The following VTI1B variants were observed in gnomAD, a reference collection of about 807,000 sequenced individuals.
VTI1B encodes vesicle transport through interaction with t-SNAREs 1B, also known as vesicle transport through interaction with t-SNAREs homolog 1B.
A neutral mutation model predicts 28.6 loss-of-function variants in VTI1B; 18 were observed. The observed-to-expected ratio is 0.63, with a 90% CI of 0.43 to 0.93. The LOEUF is 0.93. Ranked by LOEUF, VTI1B falls within the 40% of genes least tolerant of loss-of-function variation. VTI1B has a pLI of 0.00. For synonymous variants in VTI1B, 100 were observed against 107.9 expected, an observed-to-expected ratio of 0.93 and a Z score of 0.46; for missense variants, 283 against 297.0, an observed-to-expected ratio of 0.95 and a Z score of 0.35.
chr14:67,668,140 T>C (rs1279693921), intron 1 of VTI1B, among the ~76,000 whole-genome samples: 5 of 152,192 alleles, frequency 3.3e-5, no homozygotes, highest in Admixed American at 2.0e-4. Flanking sequence ...TTTCAATATT[T>C]TTATGATACA....
intron 4 of VTI1B, 34 bp downstream of exon 4, chr14:67,656,382 A>G: frequency 1.3e-6 from 2 of 1,537,988 alleles, no homozygotes; most frequent in Non-Finnish European, 1.8e-6. Context: ...TAATTACCCC[A>G]TACTTGCCCC....
chr14:67,672,122 C>CTTTTTTTTTT (rs2037471660), intron 1 of VTI1B, among the ~76,000 whole-genome samples: 1 of 130,798 alleles, frequency 7.6e-6, no homozygotes, highest in Non-Finnish European at 1.8e-5. Flanking sequence ...ATGCAGTCTA[C>CTTTTTTTTTT]ATTTTTTTTT....
chr14:67,674,279 G>A (rs2037505229), intron 1 of VTI1B, 96 bp downstream of exon 1: 2 of 1,165,850 alleles, frequency 1.7e-6, no homozygotes, highest in Non-Finnish European at 2.3e-6. Flanking sequence ...GCGGAGGGAG[G>A]AGACGCGGGC....
intron 5 of VTI1B, 109 bp from the exon 6 acceptor site, chr14:67,651,590 T>C: frequency 8.0e-7 from 1 of 1,244,858 alleles, no homozygotes; most frequent in Non-Finnish European, 1.1e-6. Flanking sequence ...GGCTGTATGT[T>C]TGATCACACA....
In VTI1B at chr14:67,648,065, T is replaced by C. The variant is rs751636666; in HGVS notation, c.*3320A>G. 1 of 1,612,896 alleles carries C rather than the reference T, an allele frequency of 6.2e-7. No individual in the cohort carries two copies. Among genetic ancestry groups the C allele is most frequent in the East Asian group, 2.2e-5 (1 of 44,786 alleles). On this transcript the variant is annotated 3_prime_UTR_variant, in exon 6 of 6. Coordinates refer to ENST00000554659, the MANE Select transcript of VTI1B (RefSeq NM_006370.3). ...TTTTTAGGAGACAAAGACCAATCCA[T>C]TTGAGTTTTGATATTGATGCATTTG...
chr14:67,659,696 G>GA lies in VTI1B; in HGVS notation c.366+34_366+35insT, dbSNP rs751739606. 8.4e-3 allele frequency: 11,189 copies of GA among 1,327,720 alleles called. 2 individuals carry two copies. The highest frequency in any genetic ancestry group is 0.013 in the South Asian group (935 of 69,404). 82.2% of individuals were successfully genotyped at this position (1,327,720 alleles called of 1,614,324 possible). A position where few individuals can be genotyped will look rare whatever the true frequency, so the allele number is the denominator to read the frequency against. On this transcript the variant is annotated intron_variant, in intron 3 of 5. Transcript: ENST00000554659. Reference sequence around the variant, plus strand: ...AATTTTTGTACCACAGGCCCTTAAAGGAAAAAAAAAACAAACAAAACAGCT... The same window carrying GA: ...AATTTTTGTACCACAGGCCCTTAAAGAGAAAAAAAAAACAAACAAAACAGCT...
rs1487657718 is a variant in VTI1B at position 67,650,806 on chromosome 14, T to A, written c.*579A>T. ...AGACTACAGCTAACCTGGCAGTAGA[T>A]GTGATTGCTTCAAGCTTTGGTCAGA... On this transcript the variant is annotated 3_prime_UTR_variant, in exon 6 of 6. Transcript: ENST00000554659. 1.2e-6 allele frequency: 2 copies of A among 1,614,048 alleles called. No individual in the cohort carries two copies. The highest frequency in any genetic ancestry group is 2.2e-5 in the East Asian group (1 of 44,890).
chr14:67,666,917 A>C (rs1484509186), intron 1 of VTI1B, among the ~76,000 whole-genome samples: 1 of 152,208 alleles, frequency 6.6e-6, no homozygotes, highest in African/African-American at 2.4e-5. Flanking sequence ...TCTGTTGAAA[A>C]AACAAAAAAC....
intron 2 of VTI1B, among the ~76,000 whole-genome samples, chr14:67,661,157 G>C (rs1248002512): frequency 6.6e-6 from 1 of 151,420 alleles, no homozygotes; most frequent in African/African-American, 2.4e-5. Context: ...CAAATACAGG[G>C]CCAACTATTT....
Position 67,674,289 on chromosome 14 carries a change from C to A in VTI1B, c.115+86G>T, listed in dbSNP as rs2037505467. ...AGGACGCGGAGGGAGGAGACGCGGG[C>A]CCGGGTCTGGGAGGAAGGTGGGAGA... is the stretch of plus-strand genomic sequence containing the variant. On this transcript the variant is annotated intron_variant, in intron 1 of 5. Transcript: ENST00000554659. The A allele has an allele frequency of 1.6e-5, 21 of 1,281,494 alleles. No individual in the cohort carries two copies. The South Asian group carries it at 3.2e-4, about 19-fold the overall frequency. The allele number at this position is 1,281,494 out of a possible 1,614,324, so 79.4% of individuals were successfully genotyped here.
chr14:67,657,768 T>TG (rs2037281325), intron 3 of VTI1B, among the ~76,000 whole-genome samples: 4 of 11,482 alleles, frequency 3.5e-4, no homozygotes, highest in African/African-American at 3.8e-4. Flanking sequence ...TTTTTTTTTT[T>TG]GAGACAGTCT....
intron 4 of VTI1B, among the ~76,000 whole-genome samples, chr14:67,655,301 T>G (rs951504720): frequency 6.6e-6 from 1 of 152,138 alleles, no homozygotes; most frequent in African/African-American, 2.4e-5. Flanking sequence ...CACTCCAGCC[T>G]GGGTGACAGA....
chr14:67,663,848 C>T (rs536675233), intron 1 of VTI1B, among the ~76,000 whole-genome samples: 16 of 152,242 alleles, frequency 1.1e-4, no homozygotes, highest in East Asian at 1.9e-4. Context: ...GTGCCAGGTT[C>T]GGGCCTGCCT....
chr14:67,670,825 CGTTT>C lies in VTI1B; in HGVS notation c.115+3546_115+3549del, dbSNP rs202114317. Among the ~76,000 whole-genome samples the C allele has an allele frequency of 3.3e-4, 50 of 152,280 alleles. No individual in the cohort carries two copies. The East Asian group carries it at 7.7e-3, about 24-fold the overall frequency. On this transcript the variant is annotated intron_variant, in intron 1 of 5. Transcript: ENST00000554659. Reference sequence around the variant, plus strand: ...ACCAGCATGAGCCACCGTGCCCGGCCGTTTGTTTCTTTTTAAGGTAAGAACTCTG... The same window carrying C: ...ACCAGCATGAGCCACCGTGCCCGGCCGTTTCTTTTTAAGGTAAGAACTCTG...
intron 4 of VTI1B, among the ~76,000 whole-genome samples, 188 bp downstream of exon 4, chr14:67,656,228 A>G (rs1274500682): frequency 6.6e-6 from 1 of 150,812 alleles, no homozygotes; most frequent in East Asian, 2.0e-4. Context: ...CCTGGGTGAC[A>G]CAGTGAGACT....
At chr14:67,672,381 A>G (rs12879877) in intron 1 of VTI1B, among the ~76,000 whole-genome samples, 18,996 of 151,168 alleles carry the variant, frequency 0.13, 1,454 homozygotes, top group South Asian at 0.33. Context: ...AGCTTCCCCA[A>G]GTGCTGGGAT....
chr14:67,648,399 A>G lies in VTI1B; in HGVS notation c.*2986T>C. On this transcript the variant is annotated 3_prime_UTR_variant, in exon 6 of 6. Transcript: ENST00000554659. Reference sequence around the variant, plus strand: ...GCTCTTACCAAATTACACTAAGGTAATAATGAGTAAAAAATTGTATATTTA... The same window carrying G: ...GCTCTTACCAAATTACACTAAGGTAGTAATGAGTAAAAAATTGTATATTTA... 2 of 417,782 alleles carry G rather than the reference A, an allele frequency of 4.8e-6. No individual in the cohort carries two copies. Among genetic ancestry groups the G allele is most frequent in the Non-Finnish European group, 8.4e-6 (2 of 238,356 alleles). The allele number at this position is 417,782 out of a possible 1,614,324, so 25.9% of individuals were successfully genotyped here. A position where few individuals can be genotyped will look rare whatever the true frequency, so the allele number is the denominator to read the frequency against.
intron 1 of VTI1B, among the ~76,000 whole-genome samples, chr14:67,670,777 A>C (rs1410252600): frequency 2.0e-5 from 3 of 152,100 alleles, no homozygotes; most frequent in Non-Finnish European, 4.4e-5. Flanking sequence ...CCGCCCGCCT[A>C]GGCCTCCCAA....
intron 3 of VTI1B, 27 bp downstream of exon 3, chr14:67,659,704 A>G (rs373703401): frequency 1.5e-5 from 23 of 1,568,912 alleles, no homozygotes; most frequent in Non-Finnish European, 1.9e-5. Flanking sequence ...AAGGAAAAAA[A>G]AAACAAACAA....
Sources: allele counts gnomAD v4.1 joint callset (sites outside exome capture counted in the v4.1 genomes callset), GRCh38; gene constraint gnomAD v4.1.1; transcripts MANE v1.5; gene names NCBI Gene and HGNC (gene_info 2026-07-23, HGNC 2026-07-21).